The following DOCK9 variants were observed in gnomAD, a reference collection of about 807,000 sequenced individuals.
DOCK9 encodes the protein dedicator of cytokinesis 9.
Under a neutral mutation model 263.3 loss-of-function variants are expected in DOCK9, and 89 were observed. The observed-to-expected ratio is 0.34, with a 90% confidence interval of 0.28 to 0.40. The LOEUF is 0.40. DOCK9 is among the 10% of genes least tolerant of loss of function. The probability of loss-of-function intolerance (pLI) is 1.00; values close to 1 mark genes in which losing one functional copy is unlikely to be tolerated. For missense variants in DOCK9, 2,140 were observed against 2,603.4 expected, an observed-to-expected ratio of 0.82 and a Z score of 3.87; for synonymous variants, 976 against 973.1, an observed-to-expected ratio of 1.00 and a Z score of -0.06.
intron 11 of DOCK9, 145 bp downstream of exon 11, chr13:98,902,827 G>C: frequency 1.2e-6 from 1 of 857,946 alleles, no homozygotes; most frequent in Non-Finnish European, 1.7e-6. Flanking sequence ...GTCCTTGCAG[G>C]CTAACAACCT....
At chr13:98,950,777 A>G (rs2057318689) in intron 2 of DOCK9, among the ~76,000 whole-genome samples, 1 of 152,242 alleles carries the variant, frequency 6.6e-6, no homozygotes, top group South Asian at 2.1e-4. Context: ...AGCATAAGTA[A>G]GCTGTGTAAC....
chr13:98,927,703 C>T (rs968976246), intron 3 of DOCK9, among the ~76,000 whole-genome samples: 2 of 151,950 alleles, frequency 1.3e-5, no homozygotes, highest in African/African-American at 2.4e-5. Context: ...TCACTGCAAC[C>T]TCTGCCTCCC....
At chr13:98,811,531 C>T (rs1490998353) in intron 45 of DOCK9, among the ~76,000 whole-genome samples, 2 of 152,116 alleles carry the variant, frequency 1.3e-5, no homozygotes, top group African/African-American at 4.8e-5. Context: ...TAACCTCTGT[C>T]TCCCAAGTAG....
chr13:98,995,038 T>C (rs1368261165), intron 1 of DOCK9, among the ~76,000 whole-genome samples: 1 of 152,138 alleles, frequency 6.6e-6, no homozygotes, highest in African/African-American at 2.4e-5. Context: ...TAAAGAAATG[T>C]ACGCATGGGA....
At chr13:99,014,372 C>T (rs1595908628) in intron 1 of DOCK9, among the ~76,000 whole-genome samples, 1 of 152,352 alleles carries the variant, frequency 6.6e-6, no homozygotes, top group East Asian at 1.9e-4. Context: ...TATAGCACCA[C>T]TTAAATTCCA....
intron 1 of DOCK9, among the ~76,000 whole-genome samples, chr13:99,067,165 C>A (rs1342571408): frequency 6.6e-6 from 1 of 152,154 alleles, no homozygotes; most frequent in Non-Finnish European, 1.5e-5. Flanking sequence ...ATCTGTGTTC[C>A]TTTGTCCACT....
intron 1 of DOCK9, among the ~76,000 whole-genome samples, chr13:99,079,512 A>G (rs1427790002): frequency 6.6e-6 from 1 of 152,238 alleles, no homozygotes; most frequent in Non-Finnish European, 1.5e-5. Context: ...ACATAATAAG[A>G]GCTTGCATTT....
At chr13:99,049,755 A>G (rs915791073) in intron 1 of DOCK9, among the ~76,000 whole-genome samples, 1 of 152,190 alleles carries the variant, frequency 6.6e-6, no homozygotes, top group Non-Finnish European at 1.5e-5. Flanking sequence ...TGGACTCAAA[A>G]GATACTCCCA....
At chr13:98,795,451 T>C (rs1486768241) in intron 52 of DOCK9, among the ~76,000 whole-genome samples, 1 of 152,204 alleles carries the variant, frequency 6.6e-6, no homozygotes, top group Admixed American at 6.5e-5. Flanking sequence ...CCACGGCCCT[T>C]CAGGGGTTCA....
chr13:98,933,132 T>G (rs1363224420), intron 2 of DOCK9, among the ~76,000 whole-genome samples: 5 of 152,228 alleles, frequency 3.3e-5, no homozygotes, highest in African/African-American at 9.6e-5. Context: ...ATTATCATAC[T>G]TTTAAAACAT....
intron 25 of DOCK9, among the ~76,000 whole-genome samples, 158 bp from the exon 26 acceptor site, chr13:98,880,830 G>A (rs982364057): frequency 3.9e-5 from 6 of 152,040 alleles, no homozygotes; most frequent in African/African-American, 1.5e-4. Flanking sequence ...AGTGTCATGT[G>A]ATAAAAAGGA....
intron 7 of DOCK9, 30 bp from the exon 8 acceptor site, chr13:98,915,533 CTT>C (rs748937390): frequency 6.3e-7 from 1 of 1,586,440 alleles, no homozygotes; most frequent in Non-Finnish European, 8.6e-7. Flanking sequence ...AACAGACATA[CTT>C]TAAAAGAATT....
intron 49 of DOCK9, among the ~76,000 whole-genome samples, chr13:98,802,561 T>C (rs2090240356): frequency 6.6e-6 from 1 of 152,148 alleles, no homozygotes; most frequent in Non-Finnish European, 1.5e-5. Context: ...GGGAAGAAAC[T>C]CCTTGGCAAA....
chr13:99,047,517 CTTTT>C (rs80048308), intron 1 of DOCK9, among the ~76,000 whole-genome samples: 6 of 127,012 alleles, frequency 4.7e-5, no homozygotes, highest in Admixed American at 1.6e-4. Context: ...GGTTCTAATC[CTTTT>C]TTTTTTTTTT....
At chr13:98,811,521 T>C (rs1184177761) in intron 45 of DOCK9, among the ~76,000 whole-genome samples, 1 of 152,146 alleles carries the variant, frequency 6.6e-6, no homozygotes, top group Non-Finnish European at 1.5e-5. Flanking sequence ...TGGCTCACTG[T>C]AACCTCTGTC....
At chr13:98,891,803 G>A (rs1284032017) in intron 15 of DOCK9, among the ~76,000 whole-genome samples, 2 of 98,610 alleles carry the variant, frequency 2.0e-5, no homozygotes, top group East Asian at 3.0e-4. Flanking sequence ...TAGCACATGG[G>A]CTTTTAAAAG....
At chr13:99,079,032 A>G (rs1198389396) in intron 1 of DOCK9, among the ~76,000 whole-genome samples, 1 of 152,242 alleles carries the variant, frequency 6.6e-6, no homozygotes, top group Non-Finnish European at 1.5e-5. Flanking sequence ...TTTATGCTAA[A>G]GAAAAATAAT....
rs2296998 is a variant in DOCK9 at position 98,885,688 on chromosome 13, G to T, written c.2260+20C>A. Reference sequence around the variant, plus strand: ...ATGTTTCAATTATTTAAAATCAAAGGAATGGTAAGCCCCCCCAACCTTGGG... The same window carrying T: ...ATGTTTCAATTATTTAAAATCAAAGTAATGGTAAGCCCCCCCAACCTTGGG... On this transcript the variant is annotated intron_variant, in intron 20 of 52. Transcript: ENST00000682017. 0.13 allele frequency: 204,580 copies of T among 1,583,220 alleles called. 14,315 individuals carry two copies. The highest frequency in any genetic ancestry group is 0.24 in the East Asian group (10,488 of 44,408).
intron 27 of DOCK9, among the ~76,000 whole-genome samples, chr13:98,874,243 T>C (rs1026054560): frequency 2.6e-5 from 4 of 152,232 alleles, no homozygotes; most frequent in African/African-American, 7.2e-5. Flanking sequence ...CCAAATGGTA[T>C]GTAGTCTTTT....
Sources: gnomAD v4.1 joint callset for allele counts (sites outside exome capture counted in the v4.1 genomes callset) on GRCh38, gnomAD v4.1.1 for gene constraint, MANE v1.5 for transcripts, NCBI Gene and HGNC (gene_info 2026-07-23, HGNC 2026-07-21) for gene names.